DPP4: variants seen among roughly 807,000 people sequenced by gnomAD.
The protein encoded by DPP4 is dipeptidyl peptidase 4, also known as ADCP-2.
DPP4 carries 93 observed loss-of-function variants against 122.4 expected under a neutral mutation model. The ratio of observed to expected loss-of-function variants is 0.76; its 90% CI spans 0.64 to 0.90. The LOEUF is 0.90. Ranked by LOEUF, DPP4 falls within the 40% of genes least tolerant of loss-of-function variation. The pLI is 0.00. For synonymous variants in DPP4, 321 were observed against 302.9 expected (o/e 1.06, Z -0.62); for missense variants, 914 against 907.3 (o/e 1.01, Z -0.09).
chr2:162,040,331 T>C (rs1434879817), intron 5 of DPP4, among the ~76,000 whole-genome samples: 3 of 152,104 alleles, frequency 2.0e-5, no homozygotes, highest in African/African-American at 7.2e-5. Context: ...GGTGAGTGGA[T>C]AAACAAACTG....
chr2:162,024,768 T>G (rs755616247), intron 11 of DPP4, 36 bp downstream of exon 11: 1 of 1,606,818 alleles, frequency 6.2e-7, no homozygotes. Flanking sequence ...TGATCACATG[T>G]TGCTCTAGAA....
At chr2:162,017,331 A>G (rs1230820689) in intron 16 of DPP4, 176 bp from the exon 17 acceptor site, 1 of 593,216 alleles carries the variant, frequency 1.7e-6, no homozygotes, top group Admixed American at 3.2e-5. Flanking sequence ...TCTCTTTAAA[A>G]TAGTTGCAAT....
chr2:162,000,207 G>A (rs1007571366), intron 23 of DPP4, among the ~76,000 whole-genome samples: 2 of 152,010 alleles, frequency 1.3e-5, no homozygotes, highest in African/African-American at 4.8e-5. Flanking sequence ...TCTCCTACTT[G>A]TAACCAAAGC....
intron 13 of DPP4, 71 bp from the exon 14 acceptor site, chr2:162,020,367 G>A: frequency 3.1e-6 from 4 of 1,280,926 alleles, no homozygotes; most frequent in Non-Finnish European, 3.3e-6. Context: ...CAAAGTGGAG[G>A]ATTAAATCAT....
chr2:162,070,474 T>C (rs1685079356), intron 2 of DPP4, among the ~76,000 whole-genome samples: 1 of 152,216 alleles, frequency 6.6e-6, no homozygotes, highest in Admixed American at 6.5e-5. Flanking sequence ...CTTTTGGCTG[T>C]TTAATTCTTT....
chr2:162,057,730 G>A (rs1226244197), intron 2 of DPP4, among the ~76,000 whole-genome samples: 1 of 152,082 alleles, frequency 6.6e-6, no homozygotes, highest in Non-Finnish European at 1.5e-5. Context: ...TCTTTTATCT[G>A]TGTAACCAAT....
intron 5 of DPP4, among the ~76,000 whole-genome samples, chr2:162,042,072 G>A (rs1338698968): frequency 6.6e-6 from 1 of 152,156 alleles, no homozygotes; most frequent in Admixed American, 6.5e-5. Context: ...GAGCATCATA[G>A]CAAAGAGAAG....
intron 2 of DPP4, among the ~76,000 whole-genome samples, chr2:162,059,124 G>A (rs888628347): frequency 1.3e-5 from 2 of 152,172 alleles, no homozygotes; most frequent in African/African-American, 4.8e-5. Flanking sequence ...AGGACTGACC[G>A]AACTAAGCCG....
chr2:162,041,383 A>G (rs60817505), intron 5 of DPP4, among the ~76,000 whole-genome samples: 1,525 of 152,220 alleles, frequency 0.01, 28 homozygotes, highest in African/African-American at 0.035. Context: ...AAATACAACA[A>G]ATTACAATAA....
chr2:162,069,203 T>C (rs1685038039), intron 2 of DPP4, among the ~76,000 whole-genome samples: 1 of 152,184 alleles, frequency 6.6e-6, no homozygotes, highest in South Asian at 2.1e-4. Flanking sequence ...GTACCTCTCT[T>C]TCAAAGAGTT....
chr2:162,034,496 A>G (rs550836354), intron 9 of DPP4, among the ~76,000 whole-genome samples: 1 of 152,256 alleles, frequency 6.6e-6, no homozygotes, highest in Non-Finnish European at 1.5e-5. Flanking sequence ...TACAGAAAAA[A>G]CACTTTACTA....
chr2:162,009,621 C>T (rs1165927586), intron 20 of DPP4, among the ~76,000 whole-genome samples: 1 of 151,614 alleles, frequency 6.6e-6, no homozygotes, highest in Non-Finnish European at 1.5e-5. Flanking sequence ...AGCCCAGATG[C>T]ACTTTTCTTT....
At chr2:162,029,449 C>G (rs944488390) in intron 10 of DPP4, among the ~76,000 whole-genome samples, 1 of 152,204 alleles carries the variant, frequency 6.6e-6, no homozygotes, top group Non-Finnish European at 1.5e-5. Flanking sequence ...CTCCCAGGTT[C>G]GCTGACAAAT....
intron 2 of DPP4, among the ~76,000 whole-genome samples, chr2:162,072,983 T>C (rs1476889233): frequency 6.6e-6 from 1 of 152,182 alleles, no homozygotes; most frequent in Non-Finnish European, 1.5e-5. Context: ...CATTTTTCCT[T>C]TCCATTTCAG....
chr2:162,053,841 G>A (rs73971559), intron 2 of DPP4, among the ~76,000 whole-genome samples: 3,810 of 152,352 alleles, frequency 0.025, 170 homozygotes, highest in African/African-American at 0.087. Context: ...CCCATGAAGA[G>A]AACTGCCACA....
intron 23 of DPP4, among the ~76,000 whole-genome samples, chr2:162,001,914 G>A (rs937507023): frequency 6.6e-6 from 1 of 152,078 alleles, no homozygotes; most frequent in African/African-American, 2.4e-5. Context: ...TCCTTGAGGT[G>A]GGGGGGATGA....
At chr2:162,043,622 A>AT (rs1185646296) in intron 5 of DPP4, among the ~76,000 whole-genome samples, 1 of 152,180 alleles carries the variant, frequency 6.6e-6, no homozygotes, top group East Asian at 1.9e-4. Flanking sequence ...GTGAGCTGGT[A>AT]TTACCTTTCT....
intron 3 of DPP4, among the ~76,000 whole-genome samples, 198 bp downstream of exon 3, chr2:162,047,205 A>G (rs1411378516): frequency 1.3e-5 from 2 of 152,074 alleles, no homozygotes; most frequent in Non-Finnish European, 2.9e-5. Flanking sequence ...TTAATTTTTT[A>G]TTATACATGT....
At position 162,018,726 on chromosome 2, in the gene DPP4, T is replaced by TA; in HGVS notation, c.1420+2dup. 6.2e-7 allele frequency: 1 copy of TA among 1,613,750 alleles called. No individual in the cohort carries two copies. Among genetic ancestry groups the TA allele is most frequent in the Non-Finnish European group, 8.5e-7 (1 of 1,179,942 alleles). On this transcript the variant is annotated splice_region_variant and intron_variant, in intron 16 of 25. Transcript: ENST00000360534. ...CCCTCCCTCCCAGGGAGCTCAGACT[T>TA]ACCGGAACATCTCAGCTGATAATAC...
Sources: gnomAD v4.1 joint callset for allele counts (sites outside exome capture counted in the v4.1 genomes callset) on GRCh38, gnomAD v4.1.1 for gene constraint, MANE v1.5 for transcripts, NCBI Gene and HGNC (gene_info 2026-07-23, HGNC 2026-07-21) for gene names.